GPC5: variants seen among roughly 807,000 people sequenced by gnomAD.
GPC5 encodes the protein glypican-5.
A neutral mutation model predicts 53.9 loss-of-function variants in GPC5; 47 were observed. That is an observed-to-expected ratio of 0.87 (90% CI 0.69 to 1.11). The LOEUF is 1.11. Among genes scored for constraint, GPC5 ranks in the 50% most tolerant of loss-of-function variants. GPC5 has a pLI of 0.00. For missense variants in GPC5, 748 were observed against 713.1 expected, an observed-to-expected ratio of 1.05 and a Z score of -0.56; for synonymous variants, 286 against 263.3, an observed-to-expected ratio of 1.09 and a Z score of -0.84.
intron 6 of GPC5, among the ~76,000 whole-genome samples, chr13:91,919,100 G>C (rs1484791726): frequency 6.6e-6 from 1 of 152,062 alleles, no homozygotes; most frequent in Non-Finnish European, 1.5e-5. Context: ...ACATGCTTAA[G>C]CCTATTTCTT....
At chr13:91,538,655 T>C in intron 2 of GPC5, among the ~76,000 whole-genome samples, 1 of 150,128 alleles carries the variant, frequency 6.7e-6, no homozygotes, top group East Asian at 2.0e-4. Flanking sequence ...TGATCTTGGC[T>C]CATTGCAAGC....
At chr13:91,713,316 T>C (rs753309101) in intron 3 of GPC5, among the ~76,000 whole-genome samples, 12 of 151,802 alleles carry the variant, frequency 7.9e-5, no homozygotes, top group Non-Finnish European at 1.8e-4. Context: ...AGTAAGGAAG[T>C]GCCCCCCACC....
At chr13:92,103,389 A>T (rs1371074291) in intron 6 of GPC5, among the ~76,000 whole-genome samples, 1 of 152,162 alleles carries the variant, frequency 6.6e-6, no homozygotes, top group Non-Finnish European at 1.5e-5. Flanking sequence ...CTTTTCTTAT[A>T]TAACTCCATA....
intron 7 of GPC5, among the ~76,000 whole-genome samples, chr13:92,697,418 C>T (rs932379564): frequency 6.6e-6 from 1 of 152,020 alleles, no homozygotes; most frequent in Non-Finnish European, 1.5e-5. Context: ...CTTCACAACC[C>T]TTGTAAATTG....
intron 6 of GPC5, among the ~76,000 whole-genome samples, chr13:91,970,051 G>A (rs928601125): frequency 6.6e-6 from 1 of 152,126 alleles, no homozygotes; most frequent in African/African-American, 2.4e-5. Flanking sequence ...TAAAGAAAAT[G>A]TGCTAGATAC....
chr13:91,863,473 A>G lies in GPC5; in HGVS notation c.1281-44464A>G, dbSNP rs192679689. ...ACATAGTACCTAGTGCAAAACACTA[A>G]TACATGTTGAACACTAACATTTGTT... On this transcript the variant is annotated intron_variant, in intron 5 of 7. Transcript: ENST00000377067. 1.5e-3 allele frequency among the ~76,000 whole-genome samples: 229 copies of G among 152,318 alleles called. 1 individual carries two copies. The highest frequency in any genetic ancestry group is 5.2e-3 in the African/African-American group (217 of 41,572).
At chr13:91,931,860 C>A (rs2039824480) in intron 6 of GPC5, among the ~76,000 whole-genome samples, 2 of 151,900 alleles carry the variant, frequency 1.3e-5, no homozygotes, top group Admixed American at 6.6e-5. Flanking sequence ...CTCTGAAATA[C>A]CTGGGAGTGC....
At chr13:91,718,913 T>C (rs1056691966) in intron 3 of GPC5, among the ~76,000 whole-genome samples, 1 of 152,188 alleles carries the variant, frequency 6.6e-6, no homozygotes, top group African/African-American at 2.4e-5. Flanking sequence ...TAATTATCAA[T>C]ACATTTCATA....
chr13:91,790,680 A>T (rs386885), intron 5 of GPC5, among the ~76,000 whole-genome samples: 47,387 of 152,144 alleles, frequency 0.31, 8,760 homozygotes, highest in African/African-American at 0.5. Context: ...GAGTGTGATA[A>T]ACTGAGAACT....
intron 5 of GPC5, among the ~76,000 whole-genome samples, chr13:91,779,610 C>T (rs1196261002): frequency 1.3e-5 from 2 of 152,162 alleles, no homozygotes; most frequent in Admixed American, 6.6e-5. Context: ...GTCTGCCTGG[C>T]TCGACCTCCC....
intron 7 of GPC5, among the ~76,000 whole-genome samples, chr13:92,614,613 A>G (rs551588252): frequency 6.6e-6 from 1 of 152,334 alleles, no homozygotes; most frequent in African/African-American, 2.4e-5. Flanking sequence ...ACAGTGAATA[A>G]TTCAAATGGT....
At chr13:91,721,588 C>A (rs2036475348) in intron 3 of GPC5, among the ~76,000 whole-genome samples, 1 of 152,184 alleles carries the variant, frequency 6.6e-6, no homozygotes, top group Admixed American at 6.5e-5. Context: ...TAGCCCTTGG[C>A]AGAGCATGTG....
chr13:92,570,243 T>G (rs1186433803), intron 7 of GPC5, among the ~76,000 whole-genome samples: 3 of 152,144 alleles, frequency 2.0e-5, no homozygotes, highest in Non-Finnish European at 4.4e-5. Flanking sequence ...CGGTGTATTT[T>G]CTATAATTTC....
intron 7 of GPC5, among the ~76,000 whole-genome samples, chr13:92,416,037 G>T (rs981944934): frequency 2.0e-5 from 3 of 152,174 alleles, no homozygotes; most frequent in African/African-American, 7.2e-5. Flanking sequence ...GTTTTGATAA[G>T]CAGTGACACT....
At chr13:92,806,196 G>A (rs1000490374) in intron 7 of GPC5, among the ~76,000 whole-genome samples, 7 of 152,086 alleles carry the variant, frequency 4.6e-5, no homozygotes, top group African/African-American at 1.7e-4. Flanking sequence ...ATGTTACGGA[G>A]ATGGCTTCTT....
At chr13:92,649,596 T>C (rs1168731652) in intron 7 of GPC5, among the ~76,000 whole-genome samples, 1 of 152,082 alleles carries the variant, frequency 6.6e-6, no homozygotes, top group Admixed American at 6.6e-5. Flanking sequence ...TTACAAGGGA[T>C]AACAAAATGT....
At chr13:91,727,772 G>T (rs2036606516) in intron 3 of GPC5, among the ~76,000 whole-genome samples, 1 of 152,072 alleles carries the variant, frequency 6.6e-6, no homozygotes, top group African/African-American at 2.4e-5. Context: ...TCCAGGCAAT[G>T]CTTTTACGTA....
intron 2 of GPC5, among the ~76,000 whole-genome samples, chr13:91,558,252 G>T (rs1329543328): frequency 6.6e-6 from 1 of 151,974 alleles, no homozygotes; most frequent in African/African-American, 2.4e-5. Flanking sequence ...CTTATCATCT[G>T]GGAGCAGGTA....
At chr13:91,962,098 C>A (rs2040131670) in intron 6 of GPC5, among the ~76,000 whole-genome samples, 1 of 152,074 alleles carries the variant, frequency 6.6e-6, no homozygotes, top group Non-Finnish European at 1.5e-5. Flanking sequence ...TAAATTTAGA[C>A]AAAGATTAAG....
Sources: allele counts gnomAD v4.1 joint callset (sites outside exome capture counted in the v4.1 genomes callset), GRCh38; gene constraint gnomAD v4.1.1; transcripts MANE v1.5; gene names NCBI Gene and HGNC (gene_info 2026-07-23, HGNC 2026-07-21).